Variants in FUCA1 observed in about 807,000 individuals in gnomAD.
FUCA1 encodes the protein alpha-L-fucosidase 1.
FUCA1 carries 52 observed loss-of-function variants against 56.8 expected under a neutral mutation model. The ratio of observed to expected loss-of-function variants is 0.92; its 90% CI spans 0.73 to 1.15. The LOEUF (loss-of-function observed/expected upper bound fraction) is 1.15. FUCA1 is among the 50% of genes most tolerant of loss of function. The pLI is 0.00. For synonymous variants in FUCA1, 230 were observed against 226.6 expected (o/e 1.02, Z -0.14); for missense variants, 568 against 592.6 (o/e 0.96, Z 0.43).
chr1:23,845,693 C>T lies in FUCA1; in HGVS notation c.*22G>A, dbSNP rs775877573. ...AGCAGGAAAACAGTGAGCAGCGCCT[C>T]TTTCTTCTTGCACTCAAATGATTAC... On this transcript the variant is annotated 3_prime_UTR_variant, in exon 8 of 8. Transcript: ENST00000374479. The T allele has an allele frequency of 1.9e-6, 3 of 1,614,140 alleles. No homozygotes were observed. In the Admixed American group the frequency reaches 5.0e-5, roughly 27 times the overall value.
intron 3 of FUCA1, among the ~76,000 whole-genome samples, chr1:23,861,322 C>CAAAAAAAAAAAAAAAAAAAAAAAAAAAAA (rs34240712): frequency 1.7e-5 from 1 of 60,512 alleles, no homozygotes; most frequent in Non-Finnish European, 3.2e-5. Flanking sequence ...GACTCCGTCT[C>CAAAAAAAAAAAAAAAAAAAAAAAAAAAAA]AAAAAAAAAA....
intron 4 of FUCA1, among the ~76,000 whole-genome samples, chr1:23,855,313 C>A (rs554668179): frequency 3.7e-4 from 56 of 152,182 alleles, no homozygotes; most frequent in African/African-American, 1.3e-3. Context: ...CTGGCTAACA[C>A]GGTGAAATCC....
intron 2 of FUCA1, among the ~76,000 whole-genome samples, chr1:23,864,697 GTCTTTTT>G (rs1205479119): frequency 2.7e-4 from 40 of 149,636 alleles, no homozygotes; most frequent in African/African-American, 9.6e-4. Flanking sequence ...AACTCTTTTT[GTCTTTTT>G]TCTTTTTTTT....
At position 23,863,238 on chromosome 1, in the gene FUCA1, T is replaced by G; in HGVS notation, c.558A>C (p.Leu186Phe). Residue 186 changes from leucine to phenylalanine, a missense_variant, in exon 3 of 8, where the codon TTA becomes TTC. Physicochemically the swap from Leu to Phe is conservative, Grantham distance 22 (BLOSUM62 0). Coordinates refer to ENST00000374479, the MANE Select transcript of FUCA1 (RefSeq NM_000147.5). ...GTAGATAGAGTGGATGGAACCACTC[T>G]AAGAGTGAGTGGTATAGTCCATAGC... is the stretch of plus-strand genomic sequence containing the variant. Reference protein sequence around the residue: ...NIRYGLYHSLLEWFHPLYLLD... With the variant: ...NIRYGLYHSLFEWFHPLYLLD... The G allele has an allele frequency of 6.2e-7, 1 of 1,612,970 alleles. No individual in the cohort carries two copies. Among genetic ancestry groups the G allele is most frequent in the Non-Finnish European group, 8.5e-7 (1 of 1,179,262 alleles).
At chr1:23,859,653 A>T in intron 4 of FUCA1, 145 bp downstream of exon 4, 1 of 648,244 alleles carries the variant, frequency 1.5e-6, no homozygotes, top group Admixed American at 2.3e-5. Flanking sequence ...AACCTTTAAC[A>T]TCCATTAAGT....
Position 23,863,148 on chromosome 1 carries a change from G to C in FUCA1, c.648C>G (p.Tyr216Ter). The change falls in exon 3 of 8, where the codon TAC becomes TAG. Residue 216 changes from tyrosine (Y) to a stop codon, truncating the protein, a stop_gained. Coordinates refer to ENST00000374479, the MANE Select transcript of FUCA1 (RefSeq NM_000147.5). LOFTEE classifies it high-confidence loss of function. ...FVSAKTMPEL[Y>*]DLVNSYKPDL... ...CAGTGTCTTACCTGTTAACAAGGTC[G>C]TACAGCTCTGGCATTGTTTTTGCAC... 1 of 1,613,768 alleles carries C rather than the reference G, an allele frequency of 6.2e-7. No individual in the cohort carries two copies. The highest frequency in any genetic ancestry group is 8.5e-7 in the Non-Finnish European group (1 of 1,179,958).
At chr1:23,848,937 T>C in intron 5 of FUCA1, 98 bp from the exon 6 acceptor site, 11 of 1,046,688 alleles carry the variant, frequency 1.1e-5, no homozygotes, top group Non-Finnish European at 1.6e-5. Context: ...GGGCACACTC[T>C]GTTTTTTAAA....
chr1:23,848,653 C>T lies in FUCA1; in HGVS notation c.1156G>A (p.Val386Ile), dbSNP rs1272462507. 1 of 1,614,120 alleles carries T rather than the reference C, an allele frequency of 6.2e-7. No homozygotes were observed. The highest frequency in any genetic ancestry group is 8.5e-7 in the Non-Finnish European group (1 of 1,179,976). Residue 386 changes from valine to isoleucine, a missense_variant, in exon 6 of 8, where the codon GTA (valine) becomes ATA (isoleucine). Physicochemically the swap from Val to Ile is conservative, Grantham distance 29 (BLOSUM62 3). Transcript: ENST00000374479. ...RVQWEKNTTS[V>I]WYTSKGSAVY... Reference sequence around the variant, plus strand: ...ACAACAGAAGACAAGACTCACCATACAGATGTTGTGTTCTTTTCCCATTGC... The same window carrying T: ...ACAACAGAAGACAAGACTCACCATATAGATGTTGTGTTCTTTTCCCATTGC...
chr1:23,867,854 C>T lies in FUCA1; in HGVS notation c.389+44G>A. On this transcript the variant is annotated intron_variant, in intron 1 of 7. Transcript: ENST00000374479. This position sits in a 1 kb window ranked among gnomAD's most constrained non-coding sequence, Gnocchi z 4.9. ...CCGCCCAGCCCCACCTCCTGTTTGC[C>T]GCCCGAGCCGGGAAGGGGCGCCGCT... 6.6e-7 allele frequency: 1 copy of T among 1,521,496 alleles called. No homozygotes were observed. Among genetic ancestry groups the T allele is most frequent in the Non-Finnish European group, 8.8e-7 (1 of 1,138,070 alleles). 94.2% of individuals were successfully genotyped at this position (1,521,496 alleles called of 1,614,324 possible).
Position 23,865,474 on chromosome 1 carries a change from C to A in FUCA1, c.524+17G>T, listed in dbSNP as rs200097772. 25 of 1,614,142 alleles carry A rather than the reference C, an allele frequency of 1.5e-5. No individual in the cohort carries two copies. The highest frequency in any genetic ancestry group is 2.0e-5 in the Non-Finnish European group (24 of 1,180,008). On this transcript the variant is annotated intron_variant, in intron 2 of 7. Transcript: ENST00000374479. ...AGATCCAAAGAGATAACAGAGTAAC[C>A]ATCCCTGGACACTCACCTCTTCCGG...
intron 4 of FUCA1, among the ~76,000 whole-genome samples, chr1:23,856,875 C>T (rs1639401100): frequency 6.6e-6 from 1 of 151,988 alleles, no homozygotes; most frequent in South Asian, 2.1e-4. Flanking sequence ...GCCTGTACTC[C>T]CAGCTACTCG....
chr1:23,857,475 C>G (rs1385025248), intron 4 of FUCA1, among the ~76,000 whole-genome samples: 1 of 151,996 alleles, frequency 6.6e-6, no homozygotes, highest in Non-Finnish European at 1.5e-5. Flanking sequence ...AGGTCACAAA[C>G]ATTCATCAAG....
chr1:23,857,869 C>T (rs1299767645), intron 4 of FUCA1, among the ~76,000 whole-genome samples: 3 of 151,482 alleles, frequency 2.0e-5, no homozygotes, highest in Admixed American at 2.0e-4. Context: ...GGGGTTTCAC[C>T]GTGTTAGCCA....
In FUCA1 at chr1:23,860,890, C is replaced by T. The variant is rs767431259; in HGVS notation, c.663-987G>A. 4.6e-5 allele frequency among the ~76,000 whole-genome samples: 7 copies of T among 151,912 alleles called. No individual in the cohort carries two copies. The South Asian group carries it at 6.2e-4, about 13-fold the overall frequency. On this transcript the variant is annotated intron_variant, in intron 3 of 7. Transcript: ENST00000374479. ...TTGGCAGCAAGTGATCCACCTGCCTCGGCTTCGCAAAGTGCTGGGATTTCA... is the reference window on the plus strand; with the variant it reads ...TTGGCAGCAAGTGATCCACCTGCCTTGGCTTCGCAAAGTGCTGGGATTTCA...
At position 23,845,762 on chromosome 1, in the gene FUCA1, C is replaced by G. The variant is rs756969739; in HGVS notation, c.1354G>C (p.Val452Leu). 1.9e-6 allele frequency: 3 copies of G among 1,614,186 alleles called. No individual in the cohort carries two copies. The South Asian group carries it at 3.3e-5, about 18-fold the overall frequency. ...ISLPQLPPSAVPAEFAWTIKL... is the reference protein window; with the variant it reads ...ISLPQLPPSALPAEFAWTIKL... ...ATAGTCCAAGCAAACTCTGCGGGGA[C>G]AGCAGAGGGTGGCAACTGGGGTAGA... Residue 452 changes from valine (V) to leucine (L), a missense_variant, in exon 8 of 8, where the codon GTC becomes CTC. Val to Leu is a conservative substitution (Grantham distance 32). Coordinates refer to ENST00000374479, the MANE Select transcript of FUCA1 (RefSeq NM_000147.5).
chr1:23,856,714 G>T (rs996757838), intron 4 of FUCA1, among the ~76,000 whole-genome samples: 1 of 152,148 alleles, frequency 6.6e-6, no homozygotes, highest in Non-Finnish European at 1.5e-5. Context: ...GAGGCCGGCC[G>T]GGAGCGGTGG....
Position 23,845,459 on chromosome 1 carries a change from C to T in FUCA1, c.*256G>A. 2 of 529,180 alleles carry T rather than the reference C, an allele frequency of 3.8e-6. No individual in the cohort carries two copies. The highest frequency in any genetic ancestry group is 6.8e-6 in the Non-Finnish European group (2 of 293,980). The allele number at this position is 529,180 out of a possible 1,614,324, so 32.8% of individuals were successfully genotyped here. A position where few individuals can be genotyped will look rare whatever the true frequency, so the allele number is the denominator to read the frequency against. Reference sequence around the variant, plus strand: ...CATTGTAGATAATTTCCAAATATTACAATTGATGAACTCAGAGTTCAACTG... The same window carrying T: ...CATTGTAGATAATTTCCAAATATTATAATTGATGAACTCAGAGTTCAACTG... On this transcript the variant is annotated 3_prime_UTR_variant, in exon 8 of 8. Transcript: ENST00000374479.
chr1:23,854,185 GC>G (rs1461235754), intron 5 of FUCA1, among the ~76,000 whole-genome samples, 174 bp downstream of exon 5: 35 of 151,638 alleles, frequency 2.3e-4, no homozygotes, highest in Admixed American at 1.8e-3. Context: ...CTCCATCCCA[GC>G]CCCCTCCTAA....
Position 23,854,406 on chromosome 1 carries a change from C to G in FUCA1, c.923G>C (p.Arg308Pro). Residue 308 changes from arginine to proline, a missense_variant, in exon 5 of 8, where the codon CGT (arginine) becomes CCT (proline). By Grantham distance (103) the Arg-to-Pro change is moderately radical. Coordinates refer to ENST00000374479, the MANE Select transcript of FUCA1 (RefSeq NM_000147.5). ...SIDKFSWGYR[R>P]DMALSDVTEE... ...TGTAACATCAGACAATGCCATGTCACGACGATAGCCCCAGGAAAACTTGTC... is the reference window on the plus strand; with the variant it reads ...TGTAACATCAGACAATGCCATGTCAGGACGATAGCCCCAGGAAAACTTGTC... The G allele has an allele frequency of 6.2e-7, 1 of 1,614,018 alleles. No individual in the cohort carries two copies. Among genetic ancestry groups the G allele is most frequent in the Non-Finnish European group, 8.5e-7 (1 of 1,180,018 alleles).
Sources: allele counts gnomAD v4.1 joint callset (sites outside exome capture counted in the v4.1 genomes callset), GRCh38; gene constraint gnomAD v4.1.1; non-coding constraint Gnocchi (gnomAD v3.1); transcripts MANE v1.5; gene names NCBI Gene and HGNC (gene_info 2026-07-23, HGNC 2026-07-21).